RIMOC1: variants seen among roughly 807,000 people sequenced by gnomAD.
RIMOC1 encodes the protein RAB7A interacting MON1-CCZ1 complex subunit 1, also known as RAB7A-interacting MON1-CCZ1 complex subunit 1.
the RIMOC1 span, among the ~76,000 whole-genome samples, chr5:41,906,985 G>C: frequency 6.6e-6 from 1 of 152,134 alleles, no homozygotes; most frequent in Non-Finnish European, 1.5e-5. Context: ...TGCTGCAGAA[G>C]GGTGGATAGT....
the RIMOC1 span, chr5:41,912,089 T>G: frequency 6.2e-7 from 1 of 1,608,178 alleles, no homozygotes; most frequent in Non-Finnish European, 8.5e-7. Flanking sequence ...ATGGAATCAG[T>G]TACTTGCTAC....
At chr5:41,907,622 A>AT in the RIMOC1 span, 1 of 607,994 alleles carries the variant, frequency 1.6e-6, no homozygotes, top group East Asian at 3.0e-5. Flanking sequence ...CTGTTTCTCC[A>AT]TATGTCATAA....
At chr5:41,919,368 A>G in the RIMOC1 span, 1 of 152,160 alleles carries the variant, frequency 6.6e-6, no homozygotes, top group African/African-American at 2.4e-5. Context: ...CAAACAGTTA[A>G]AATCCAGGCT....
At chr5:41,916,019 CT>C in the RIMOC1 span, among the ~76,000 whole-genome samples, 2 of 152,244 alleles carry the variant, frequency 1.3e-5, no homozygotes, top group African/African-American at 4.8e-5. Flanking sequence ...ATCATAGTCA[CT>C]TTTGTTGAAT....
chr5:41,916,769 T>C, the RIMOC1 span, among the ~76,000 whole-genome samples: 4 of 152,174 alleles, frequency 2.6e-5, no homozygotes, highest in African/African-American at 9.7e-5. Context: ...CCTAAATGGT[T>C]CTCTAAAAAA....
the RIMOC1 span, among the ~76,000 whole-genome samples, chr5:41,916,700 A>G: frequency 1.3e-5 from 2 of 152,188 alleles, no homozygotes; most frequent in Non-Finnish European, 2.9e-5. Context: ...GAGAAGTTCT[A>G]TTCCTTAAAT....
the RIMOC1 span, chr5:41,917,599 CT>C: frequency 3.9e-4 from 344 of 880,146 alleles, no homozygotes; most frequent in East Asian, 5.7e-3. Context: ...TTTTCTATTA[CT>C]TTTTTTTTTT....
the RIMOC1 span, chr5:41,918,258 CTTGAGT>C: frequency 1.0e-6 from 1 of 985,858 alleles, no homozygotes; most frequent in Non-Finnish European, 1.2e-6. Flanking sequence ...ATGTCACCAC[CTTGAGT>C]TTCTCTTTCT....
At chr5:41,909,377 T>C in the RIMOC1 span, among the ~76,000 whole-genome samples, 1 of 152,122 alleles carries the variant, frequency 6.6e-6, no homozygotes, top group Non-Finnish European at 1.5e-5. Flanking sequence ...GTAGTGACCT[T>C]AACTTGATAC....
chr5:41,909,960 C>A, the RIMOC1 span: 1 of 1,282,496 alleles, frequency 7.8e-7, no homozygotes, highest in Non-Finnish European at 1.1e-6. Context: ...TTTTTGGAGT[C>A]TATATTTTTT....
the RIMOC1 span, among the ~76,000 whole-genome samples, chr5:41,906,118 T>A: frequency 4.6e-5 from 7 of 152,218 alleles, no homozygotes; most frequent in Non-Finnish European, 2.9e-5. Flanking sequence ...TTTGATGATT[T>A]CCATTGTCTT....
the RIMOC1 span, among the ~76,000 whole-genome samples, chr5:41,910,359 A>C: frequency 6.6e-6 from 1 of 151,728 alleles, no homozygotes; most frequent in Non-Finnish European, 1.5e-5. Context: ...TCTGCCTTCC[A>C]TTCTAGAAAC....
the RIMOC1 span, chr5:41,919,589 C>T: frequency 2.0e-5 from 3 of 152,116 alleles, no homozygotes; most frequent in African/African-American, 4.8e-5. Context: ...CACAGACTAT[C>T]CCTCTTTTTA....
chr5:41,911,321 A>G, the RIMOC1 span: 1 of 680,942 alleles, frequency 1.5e-6, no homozygotes. Flanking sequence ...GGGTAATCAT[A>G]AATAAATTGG....
chr5:41,915,649 G>C, the RIMOC1 span, among the ~76,000 whole-genome samples: 1 of 151,942 alleles, frequency 6.6e-6, no homozygotes, highest in Admixed American at 6.6e-5. Flanking sequence ...AAGTGAAAGC[G>C]GAAACCCCTT....
chr5:41,907,894 T>G, the RIMOC1 span: 1 of 1,055,500 alleles, frequency 9.5e-7, no homozygotes, highest in Non-Finnish European at 1.4e-6. Flanking sequence ...GTTGTTTATT[T>G]AGATGATTGA....
the RIMOC1 span, among the ~76,000 whole-genome samples, chr5:41,904,797 A>G: frequency 2.0e-5 from 3 of 152,352 alleles, no homozygotes; most frequent in Non-Finnish European, 4.4e-5. Flanking sequence ...AATGGCTAAG[A>G]TGAATGATAA....
the RIMOC1 span, chr5:41,918,711 G>A: frequency 2.0e-6 from 2 of 985,446 alleles, no homozygotes; most frequent in South Asian, 9.4e-5. Context: ...ATTTCCCGCT[G>A]TGGCTGAGCC....
At chr5:41,907,442 T>C in the RIMOC1 span, among the ~76,000 whole-genome samples, 1 of 152,128 alleles carries the variant, frequency 6.6e-6, no homozygotes, top group South Asian at 2.1e-4. Context: ...TGCATTATCA[T>C]AAAAGAAGCA....
Sources: allele counts gnomAD v4.1 joint callset (sites outside exome capture counted in the v4.1 genomes callset), GRCh38; gene constraint gnomAD v4.1.1; transcripts MANE v1.5; gene names NCBI Gene and HGNC (gene_info 2026-07-23, HGNC 2026-07-21).